The following GCC2 variants were observed in gnomAD, a reference collection of about 807,000 sequenced individuals.
The protein encoded by GCC2 is GRIP and coiled-coil domain-containing protein 2.
Under a neutral mutation model 210.6 loss-of-function variants are expected in GCC2, and 120 were observed. The ratio of observed to expected loss-of-function variants is 0.57; its 90% CI spans 0.49 to 0.66. The LOEUF (loss-of-function observed/expected upper bound fraction) is 0.66. GCC2 is among the 30% of genes least tolerant of loss of function. The pLI is 0.00. For synonymous variants in GCC2, 703 were observed against 652.7 expected, an observed-to-expected ratio of 1.08 and a Z score of -1.17; for missense variants, 1,868 against 1,871.9, an observed-to-expected ratio of 1.00 and a Z score of 0.04.
chr2:108,478,580 A>G (rs190052480), intron 9 of GCC2, among the ~76,000 whole-genome samples: 46 of 152,334 alleles, frequency 3.0e-4, no homozygotes, highest in Middle Eastern at 3.4e-3. Context: ...AGAAGCGTCT[A>G]CCCTACATAA....
chr2:108,481,669 C>T (rs370428105), intron 9 of GCC2, 28 bp from the exon 10 acceptor site: 5 of 1,556,174 alleles, frequency 3.2e-6, no homozygotes, highest in Non-Finnish European at 4.3e-6. Flanking sequence ...AAATTATATA[C>T]CAAAGTTAAA....
At chr2:108,485,359 C>A (rs1682084002) in intron 13 of GCC2, among the ~76,000 whole-genome samples, 1 of 151,494 alleles carries the variant, frequency 6.6e-6, no homozygotes, top group African/African-American at 2.4e-5. Flanking sequence ...GTTTGTAGTC[C>A]ACATTTATTC....
chr2:108,473,109 T>C (rs542779594), intron 7 of GCC2: 31 of 425,974 alleles, frequency 7.3e-5, no homozygotes, highest in African/African-American at 6.2e-4. Context: ...CCAAGCAAGA[T>C]TGGTGTGATT....
intron 4 of GCC2, among the ~76,000 whole-genome samples, chr2:108,460,349 C>T (rs1680499269): frequency 6.6e-6 from 1 of 152,140 alleles, no homozygotes; most frequent in Admixed American, 6.6e-5. Context: ...AGCTTAACTC[C>T]ATTTACATGC....
intron 11 of GCC2, 62 bp from the exon 12 acceptor site, chr2:108,483,000 C>A: frequency 1.2e-6 from 1 of 866,398 alleles, no homozygotes; most frequent in Non-Finnish European, 1.9e-6. Flanking sequence ...TTTTAAAGCC[C>A]CTTAAAAATA....
rs749808863 is a variant in GCC2, at chr2:108,449,684, T to G, written c.58T>G (p.Ser20Ala). 6.2e-7 allele frequency: 1 copy of G among 1,612,646 alleles called. No individual in the cohort carries two copies. The highest frequency in any genetic ancestry group is 8.5e-7 in the Non-Finnish European group (1 of 1,179,032). ...ACCAGCTACCCCTGGGACCGGGAAATCTAAGGTGAAGAGAATACTTGAATA... is the reference window on the plus strand; with the variant it reads ...ACCAGCTACCCCTGGGACCGGGAAAGCTAAGGTGAAGAGAATACTTGAATA... Reference protein sequence around the residue: ...ASPATPGTGKSKLETLPKEDL... With the variant: ...ASPATPGTGKAKLETLPKEDL... The change falls in exon 2 of 23, where the codon TCT becomes GCT. Residue 20 changes from serine to alanine, a missense_variant. Transcript: ENST00000309863.
At chr2:108,500,619 A>G (rs1682873067) in intron 22 of GCC2, among the ~76,000 whole-genome samples, 1 of 152,256 alleles carries the variant, frequency 6.6e-6, no homozygotes, top group African/African-American at 2.4e-5. Flanking sequence ...TGCTTCATAT[A>G]CAACTGCTAT....
intron 2 of GCC2, chr2:108,449,892 C>T (rs1173416780): frequency 3.5e-6 from 2 of 574,472 alleles, no homozygotes; most frequent in Non-Finnish European, 6.2e-6. Flanking sequence ...TTGTTTGCTT[C>T]CTGCTCCTGG....
At chr2:108,506,231 C>T (rs1683179253) in intron 22 of GCC2, among the ~76,000 whole-genome samples, 3 of 152,182 alleles carry the variant, frequency 2.0e-5, no homozygotes, top group African/African-American at 7.2e-5. Context: ...CTCAGTTATC[C>T]TTCAACTGGC....
At chr2:108,502,271 TCTAA>T (rs1682963039) in intron 22 of GCC2, among the ~76,000 whole-genome samples, 1 of 152,222 alleles carries the variant, frequency 6.6e-6, no homozygotes, top group Non-Finnish European at 1.5e-5. Context: ...ACTCAGCATG[TCTAA>T]CAGGCCTCTT....
rs980973464 is a variant in GCC2 at position 108,492,489 on chromosome 2, T to C, written c.4230-84T>C. The C allele has an allele frequency of 1.7e-5, 14 of 814,122 alleles. No homozygotes were observed. In the African/African-American group the frequency reaches 2.2e-4, roughly 13 times the overall value. 50.4% of individuals were successfully genotyped at this position (814,122 alleles called of 1,614,324 possible). ...CATTCAGTAGAGGTCTTAGAGCTAA[T>C]TCTCTTGCAGAACCCAGTTGAGAAA... On this transcript the variant is annotated intron_variant, in intron 18 of 22. Transcript: ENST00000309863.
At chr2:108,456,167 A>T (rs566360224) in intron 4 of GCC2, among the ~76,000 whole-genome samples, 1 of 152,140 alleles carries the variant, frequency 6.6e-6, no homozygotes, top group East Asian at 1.9e-4. Flanking sequence ...TGTATTTTTT[A>T]GTAGAGATGG....
chr2:108,494,144 A>G (rs1295717620), intron 19 of GCC2: 9 of 349,442 alleles, frequency 2.6e-5, no homozygotes, highest in East Asian at 3.4e-4. Context: ...GAGCCAAGGC[A>G]GGTGGATCAC....
intron 16 of GCC2, 25 bp from the exon 17 acceptor site, chr2:108,487,674 C>T (rs749732073): frequency 4.7e-5 from 74 of 1,581,678 alleles, no homozygotes; most frequent in Middle Eastern, 1.7e-4. Flanking sequence ...AGTAGAAAAA[C>T]GTTTCTCTCT....
chr2:108,498,609 C>T (rs1359152957), intron 21 of GCC2, among the ~76,000 whole-genome samples: 1 of 152,292 alleles, frequency 6.6e-6, no homozygotes, highest in Non-Finnish European at 1.5e-5. Flanking sequence ...TCTTGCCTAA[C>T]CTAAAATGAA....
At chr2:108,461,437 C>CTA (rs1317312205) in intron 4 of GCC2, among the ~76,000 whole-genome samples, 1 of 152,184 alleles carries the variant, frequency 6.6e-6, no homozygotes, top group Non-Finnish European at 1.5e-5. Context: ...ATCTACCTCT[C>CTA]TTGCTAGACT....
chr2:108,480,026 A>G (rs1681767543), intron 9 of GCC2, among the ~76,000 whole-genome samples: 1 of 150,746 alleles, frequency 6.6e-6, no homozygotes, highest in Non-Finnish European at 1.5e-5. Flanking sequence ...ACCCCACCAG[A>G]GAAGCCTGCG....
Position 108,488,405 on chromosome 2 carries a change from A to G in GCC2, c.4052+585A>G, listed in dbSNP as rs139374414. Among the ~76,000 whole-genome samples, 191 of 152,348 alleles carry G rather than the reference A, an allele frequency of 1.3e-3. 1 individual carries two copies. Among genetic ancestry groups the G allele is most frequent in the Non-Finnish European group, 2.3e-3 (158 of 68,032 alleles). Reference sequence around the variant, plus strand: ...ATAATAGGCTAACAGTTCAATCTTAATAAGATCTTGTCGTGGTAGAAATAC... The same window carrying G: ...ATAATAGGCTAACAGTTCAATCTTAGTAAGATCTTGTCGTGGTAGAAATAC... On this transcript the variant is annotated intron_variant, in intron 17 of 22. Coordinates refer to ENST00000309863, the MANE Select transcript of GCC2 (RefSeq NM_181453.4).
chr2:108,491,541 CT>C (rs1319806297), intron 18 of GCC2, among the ~76,000 whole-genome samples: 2 of 152,098 alleles, frequency 1.3e-5, no homozygotes. Flanking sequence ...CCACTAAACC[CT>C]GTTTGAAACC....
Sources: allele counts gnomAD v4.1 joint callset (sites outside exome capture counted in the v4.1 genomes callset), GRCh38; gene constraint gnomAD v4.1.1; transcripts MANE v1.5; gene names NCBI Gene and HGNC (gene_info 2026-07-23, HGNC 2026-07-21).